Variants in HECW2 observed in about 807,000 individuals in gnomAD.
HECW2 encodes HECT, C2 and WW domain containing E3 ubiquitin protein ligase 2.
HECW2 carries 61 observed loss-of-function variants against 175.2 expected under a neutral mutation model. The observed-to-expected ratio is 0.35, with a 90% confidence interval of 0.28 to 0.43. The LOEUF is 0.43. Ranked by LOEUF, HECW2 falls within the 20% of genes least tolerant of loss-of-function variation. The probability of loss-of-function intolerance (pLI) is 1.00; values close to 1 mark genes in which losing one functional copy is unlikely to be tolerated. For synonymous variants in HECW2, 671 were observed against 731.0 expected, an observed-to-expected ratio of 0.92 and a Z score of 1.32; for missense variants, 1,524 against 2,000.5, an observed-to-expected ratio of 0.76 and a Z score of 4.54.
intron 21 of HECW2, among the ~76,000 whole-genome samples, chr2:196,229,066 A>G (rs781155301): frequency 1.3e-5 from 2 of 152,226 alleles, no homozygotes. Context: ...AGGAGTTTGC[A>G]GTAAAGCAAT....
chr2:196,212,119 G>A (rs1288599479), intron 28 of HECW2, among the ~76,000 whole-genome samples: 2 of 152,194 alleles, frequency 1.3e-5, no homozygotes, highest in Non-Finnish European at 2.9e-5. Context: ...TTACAGGTGT[G>A]AGCCACCATG....
intron 1 of HECW2, among the ~76,000 whole-genome samples, chr2:196,522,996 T>G (rs1336851515): frequency 2.0e-5 from 3 of 151,912 alleles, no homozygotes; most frequent in Non-Finnish European, 4.4e-5. Context: ...TTAAAGTAGT[T>G]TTTTCCAATT....
At chr2:196,256,216 A>C (rs1689050578) in intron 18 of HECW2, among the ~76,000 whole-genome samples, 1 of 152,222 alleles carries the variant, frequency 6.6e-6, no homozygotes, top group African/African-American at 2.4e-5. Context: ...GTGATCACCC[A>C]CATGAAAAGC....
intron 17 of HECW2, among the ~76,000 whole-genome samples, chr2:196,268,190 A>G (rs1285688983): frequency 3.3e-5 from 5 of 152,228 alleles, no homozygotes; most frequent in Admixed American, 3.3e-4. Flanking sequence ...AACTTGACAG[A>G]AAATGAAAGT....
At chr2:196,262,794 GT>G (rs1689353208) in intron 17 of HECW2, among the ~76,000 whole-genome samples, 2 of 152,254 alleles carry the variant, frequency 1.3e-5, no homozygotes, top group South Asian at 4.1e-4. Context: ...CTGACCTCAA[GT>G]GATCCACCCA....
chr2:196,344,135 C>A (rs551863751), intron 2 of HECW2, among the ~76,000 whole-genome samples: 187 of 152,102 alleles, frequency 1.2e-3, no homozygotes, highest in African/African-American at 3.9e-3. Context: ...AAAGGAAGAA[C>A]AGACCTAGGA....
intron 28 of HECW2, among the ~76,000 whole-genome samples, chr2:196,203,028 C>T (rs1410639412): frequency 6.6e-6 from 1 of 152,124 alleles, no homozygotes; most frequent in East Asian, 1.9e-4. Flanking sequence ...TGCACCCTGT[C>T]ATATGAGGTC....
chr2:196,389,532 A>G (rs545701735), intron 2 of HECW2, among the ~76,000 whole-genome samples: 1 of 152,202 alleles, frequency 6.6e-6, no homozygotes, highest in African/African-American at 2.4e-5. Context: ...GGAACACTTT[A>G]TAACAGAACA....
chr2:196,527,225 G>T (rs1275304405), intron 1 of HECW2, among the ~76,000 whole-genome samples: 1 of 152,230 alleles, frequency 6.6e-6, no homozygotes, highest in East Asian at 1.9e-4. Flanking sequence ...TATTCGGGTG[G>T]GAGTGACCCA....
intron 1 of HECW2, among the ~76,000 whole-genome samples, chr2:196,581,352 C>T (rs921482380): frequency 4.0e-5 from 6 of 151,876 alleles, no homozygotes; most frequent in East Asian, 1.9e-4. Flanking sequence ...CTGGCCAACA[C>T]GGCAAAACCC....
intron 14 of HECW2, among the ~76,000 whole-genome samples, chr2:196,283,818 T>C (rs1345594157): frequency 6.6e-6 from 1 of 152,116 alleles, no homozygotes; most frequent in East Asian, 1.9e-4. Flanking sequence ...GAAACCACCA[T>C]TATATGTAGG....
At chr2:196,377,205 G>A (rs1251171638) in intron 2 of HECW2, among the ~76,000 whole-genome samples, 1 of 152,234 alleles carries the variant, frequency 6.6e-6, no homozygotes, top group African/African-American at 2.4e-5. Context: ...ATCCCGAAGA[G>A]AGAGTCTCAA....
At position 196,405,121 on chromosome 2, in the gene HECW2, G is replaced by A. The variant is rs116201567; in HGVS notation, c.292+28011C>T. 3.2e-3 allele frequency among the ~76,000 whole-genome samples: 485 copies of A among 151,730 alleles called. 2 individuals are homozygous for A. The highest frequency in any genetic ancestry group is 0.011 in the African/African-American group (470 of 41,340). On this transcript the variant is annotated intron_variant, in intron 2 of 28. Transcript: ENST00000644978. ...GCTGGGATTACAGGTGTGAGCCATC[G>A]CGCCCGGCCCCTCCTGTTGGTAATA... is the stretch of plus-strand genomic sequence containing the variant.
intron 2 of HECW2, among the ~76,000 whole-genome samples, chr2:196,395,894 G>C (rs1420098147): frequency 6.6e-6 from 1 of 152,082 alleles, no homozygotes; most frequent in Non-Finnish European, 1.5e-5. Flanking sequence ...CACGTAAAGG[G>C]ATTAAAATGG....
At chr2:196,273,049 A>ATTTTTTTTTTTTTTTTTTTTTTTTT (rs778348590) in intron 16 of HECW2, among the ~76,000 whole-genome samples, 5 of 113,114 alleles carry the variant, frequency 4.4e-5, no homozygotes, top group Admixed American at 1.9e-4. Flanking sequence ...AGCTGGTCTA[A>ATTTTTTTTTTTTTTTTTTTTTTTTT]TTTTTTTTTT....
At chr2:196,513,778 C>T (rs749101733) in intron 1 of HECW2, among the ~76,000 whole-genome samples, 2 of 152,228 alleles carry the variant, frequency 1.3e-5, no homozygotes, top group Non-Finnish European at 2.9e-5. Flanking sequence ...ACCAGTGGTG[C>T]TCAAAGAGGG....
chr2:196,244,069 A>G (rs1688560921), intron 19 of HECW2, among the ~76,000 whole-genome samples: 1 of 152,264 alleles, frequency 6.6e-6, no homozygotes, highest in Admixed American at 6.5e-5. Flanking sequence ...AGTCTTGTTC[A>G]TTACATACCA....
At chr2:196,552,362 C>G (rs928397705) in intron 1 of HECW2, among the ~76,000 whole-genome samples, 1 of 152,180 alleles carries the variant, frequency 6.6e-6, no homozygotes, top group Non-Finnish European at 1.5e-5. Flanking sequence ...TCTAAGTTTT[C>G]TCCTGGAAGC....
chr2:196,404,910 T>C (rs1165022858), intron 2 of HECW2, among the ~76,000 whole-genome samples: 4 of 138,146 alleles, frequency 2.9e-5, no homozygotes, highest in African/African-American at 1.1e-4. Context: ...CTGCAAGCTC[T>C]GCCTCCCAGG....
Sources: allele counts gnomAD v4.1 joint callset (sites outside exome capture counted in the v4.1 genomes callset), GRCh38; gene constraint gnomAD v4.1.1; transcripts MANE v1.5; gene names NCBI Gene and HGNC (gene_info 2026-07-23, HGNC 2026-07-21).